Variants in CDS2 observed in about 807,000 individuals in gnomAD.
CDS2 encodes the protein CDP-diacylglycerol synthase 2.
Under a neutral mutation model 59.0 loss-of-function variants are expected in CDS2, and 47 were observed. The observed-to-expected ratio is 0.80, with a 90% CI of 0.63 to 1.02. The LOEUF is 1.02. Ranked by LOEUF, CDS2 falls within the 50% of genes least tolerant of loss-of-function variation. The pLI is 0.00. For synonymous variants in CDS2, 207 were observed against 206.4 expected (o/e 1.00, Z -0.02); for missense variants, 356 against 558.9 (o/e 0.64, Z 3.66).
At chr20:5,166,132 T>TA (rs1464112444) in intron 1 of CDS2, among the ~76,000 whole-genome samples, 1 of 152,054 alleles carries the variant, frequency 6.6e-6, no homozygotes, top group Non-Finnish European at 1.5e-5. Context: ...GAAGGTGAGG[T>TA]AGCCAGTTAG....
chr20:5,182,879 G>GC (rs2091041475), intron 6 of CDS2, among the ~76,000 whole-genome samples, 182 bp from the exon 7 acceptor site: 1 of 152,220 alleles, frequency 6.6e-6, no homozygotes, highest in Non-Finnish European at 1.5e-5. Flanking sequence ...CTAGTGGGCT[G>GC]TGGGGGACAA....
At position 5,163,659 on chromosome 20, in the gene CDS2, C is replaced by T. The variant is rs562467078; in HGVS notation, c.58-9864C>T. On this transcript the variant is annotated intron_variant, in intron 1 of 12. Coordinates refer to ENST00000460006, the MANE Select transcript of CDS2 (RefSeq NM_003818.4). ...TATTTTAATGCTCAAATTGTCCTAT[C>T]GTTGGCCATTAGGAATGTTTCTTCA... 8.5e-5 allele frequency among the ~76,000 whole-genome samples: 13 copies of T among 152,222 alleles called. No homozygotes were observed. In the South Asian group the frequency reaches 2.5e-3, roughly 29 times the overall value.
chr20:5,185,110 A>T (rs2091057957), intron 8 of CDS2, among the ~76,000 whole-genome samples, 165 bp downstream of exon 8: 2 of 143,814 alleles, frequency 1.4e-5, no homozygotes, highest in South Asian at 2.2e-4. Flanking sequence ...ACAACTGATT[A>T]AAAAAAAAAA....
chr20:5,196,327 C>G lies in CDS2; in HGVS notation c.*6093C>G, dbSNP rs893164450. The G allele has an allele frequency of 1.3e-5, 2 of 152,084 alleles. No individual in the cohort carries two copies. The highest frequency in any genetic ancestry group is 4.8e-5 in the African/African-American group (2 of 41,390). The allele number at this position is 152,084 out of a possible 1,614,324, so 9.4% of individuals were successfully genotyped here. ...TCCCTCATTGTGTTGTTGAATAGAC[C>G]TAGGCAGCCTTGTATCCATAGAAAG... is the stretch of plus-strand genomic sequence containing the variant. On this transcript the variant is annotated 3_prime_UTR_variant, in exon 13 of 13. Transcript: ENST00000460006.
chr20:5,169,805 C>T (rs2090941651), intron 1 of CDS2, among the ~76,000 whole-genome samples: 2 of 152,214 alleles, frequency 1.3e-5, no homozygotes, highest in South Asian at 2.1e-4. Context: ...GTGTTTCAGA[C>T]ACCACCTTAC....
At position 5,150,710 on chromosome 20, in the gene CDS2, G is replaced by A. The variant is rs545340232; in HGVS notation, c.58-22813G>A. On this transcript the variant is annotated intron_variant, in intron 1 of 12. Coordinates refer to ENST00000460006, the MANE Select transcript of CDS2 (RefSeq NM_003818.4). ...CCCCAGCCCCAGCCTCTGCTGTGGA[G>A]CATTCCTGACGCTCCCACCCCATTT... Among the ~76,000 whole-genome samples, 8 of 152,318 alleles carry A rather than the reference G, an allele frequency of 5.3e-5. 1 individual carries two copies. The South Asian group carries it at 1.2e-3, about 24-fold the overall frequency.
chr20:5,153,983 C>T (rs2090812909), intron 1 of CDS2, among the ~76,000 whole-genome samples: 1 of 152,176 alleles, frequency 6.6e-6, no homozygotes, highest in Non-Finnish European at 1.5e-5. Flanking sequence ...CAAATGATGA[C>T]TGTGCACAGC....
At chr20:5,186,524 A>G (rs1173840256) in intron 9 of CDS2, among the ~76,000 whole-genome samples, 163 bp from the exon 10 acceptor site, 1 of 147,754 alleles carries the variant, frequency 6.8e-6, no homozygotes, top group Non-Finnish European at 1.5e-5. Context: ...TTTTTTTTTA[A>G]TTGAGGTAAA....
At chr20:5,163,513 G>A (rs888894834) in intron 1 of CDS2, among the ~76,000 whole-genome samples, 1 of 151,148 alleles carries the variant, frequency 6.6e-6, no homozygotes, top group Non-Finnish European at 1.5e-5. Context: ...CACCCGCCTC[G>A]GCCTCCCAAA....
Position 5,185,747 on chromosome 20 carries a change from T to G in CDS2, c.760-11T>G. ...AACACCCTTTGCTGAGAACTTGCTCTCTGTCCACAGCTGTCCCCGAAGAAG... is the reference window on the plus strand; with the variant it reads ...AACACCCTTTGCTGAGAACTTGCTCGCTGTCCACAGCTGTCCCCGAAGAAG... On this transcript the variant is annotated splice_polypyrimidine_tract_variant and intron_variant, in intron 8 of 12. Transcript: ENST00000460006. 3 of 1,613,742 alleles carry G rather than the reference T, an allele frequency of 1.9e-6. No individual in the cohort carries two copies. Among genetic ancestry groups the G allele is most frequent in the Non-Finnish European group, 2.5e-6 (3 of 1,179,638 alleles).
rs1029124910 is a variant in CDS2 at position 5,182,954 on chromosome 20, A to G, written c.589-107A>G. 2.9e-5 allele frequency: 25 copies of G among 848,396 alleles called. No individual in the cohort carries two copies. The African/African-American group carries it at 3.6e-4, about 12-fold the overall frequency. The allele number at this position is 848,396 out of a possible 1,614,324, so 52.6% of individuals were successfully genotyped here. ...CAATAAGTCAGATACAAAAGCAGAT[A>G]TTTTTCCTACCTGCTTCTCAGCAGT... On this transcript the variant is annotated intron_variant, in intron 6 of 12. Transcript: ENST00000460006.
At chr20:5,156,880 C>T (rs953190238) in intron 1 of CDS2, among the ~76,000 whole-genome samples, 1 of 152,154 alleles carries the variant, frequency 6.6e-6, no homozygotes, top group Non-Finnish European at 1.5e-5. Flanking sequence ...CCTGGTGGCT[C>T]CAGAAGCACA....
At chr20:5,148,177 C>G (rs766668780) in intron 1 of CDS2, among the ~76,000 whole-genome samples, 5 of 152,298 alleles carry the variant, frequency 3.3e-5, no homozygotes, top group South Asian at 2.1e-4. Flanking sequence ...AGCTGCACCC[C>G]CTTCCTGCCA....
intron 1 of CDS2, among the ~76,000 whole-genome samples, chr20:5,168,433 A>G (rs1414778106): frequency 8.0e-6 from 1 of 124,392 alleles, no homozygotes; most frequent in Non-Finnish European, 1.8e-5. Context: ...AAAAAAAAAA[A>G]GAAAAGAAAA....
At chr20:5,172,593 T>G (rs1424912366) in intron 1 of CDS2, among the ~76,000 whole-genome samples, 2 of 152,150 alleles carry the variant, frequency 1.3e-5, no homozygotes, top group Non-Finnish European at 2.9e-5. Flanking sequence ...ACTTCCCAGA[T>G]CCCGTTTCTT....
chr20:5,152,398 A>AG, intron 1 of CDS2, among the ~76,000 whole-genome samples: 1 of 152,028 alleles, frequency 6.6e-6, no homozygotes, highest in East Asian at 1.9e-4. Context: ...ATCTTGGTGT[A>AG]CTTTCGTTTC....
intron 10 of CDS2, among the ~76,000 whole-genome samples, chr20:5,188,054 ACGTG>A (rs1340196168): frequency 8.2e-6 from 1 of 122,434 alleles, no homozygotes; most frequent in Non-Finnish European, 1.8e-5. Flanking sequence ...TTCTTAACGT[ACGTG>A]TGTGTGTGTG....
At chr20:5,130,897 C>T (rs540906884) in intron 1 of CDS2, among the ~76,000 whole-genome samples, 1 of 151,354 alleles carries the variant, frequency 6.6e-6, no homozygotes, top group African/African-American at 2.4e-5. Context: ...CGAGACCATC[C>T]TGGCTAACAT....
intron 1 of CDS2, among the ~76,000 whole-genome samples, chr20:5,135,865 A>C (rs749457593): frequency 3.1e-4 from 47 of 152,236 alleles, no homozygotes; most frequent in Non-Finnish European, 6.2e-4. Context: ...CCCCAGGGAC[A>C]GCCTCATGCC....
Sources: gnomAD v4.1 joint callset for allele counts (sites outside exome capture counted in the v4.1 genomes callset) on GRCh38, gnomAD v4.1.1 for gene constraint, MANE v1.5 for transcripts, NCBI Gene and HGNC (gene_info 2026-07-23, HGNC 2026-07-21) for gene names.